Variants in MTM1 observed in about 807,000 individuals in gnomAD.
MTM1 encodes myotubularin 1, also known as myotubularin.
Under a neutral mutation model 52.1 loss-of-function variants are expected in MTM1, and 9 were observed. The ratio of observed to expected loss-of-function variants is 0.17; its 90% CI spans 0.10 to 0.30. The LOEUF is 0.30. Among genes scored for constraint, MTM1 ranks in the 10% least tolerant of loss-of-function variants. MTM1 has a pLI of 1.00. For missense variants in MTM1, 277 were observed against 470.7 expected, an observed-to-expected ratio of 0.59 and a Z score of 3.81; for synonymous variants, 136 against 163.8, an observed-to-expected ratio of 0.83 and a Z score of 1.29.
intron 6 of MTM1, among the ~76,000 whole-genome samples, chrX:150,635,408 A>G (rs782685622): frequency 1.8e-5 from 2 of 112,462 alleles, no homozygotes; most frequent in South Asian, 7.4e-4. Context: ...TTTAAGAATA[A>G]TAGTTGAAAG....
intron 5 of MTM1, among the ~76,000 whole-genome samples, chrX:150,614,917 G>A (rs2148456470): frequency 9.0e-6 from 1 of 111,426 alleles, no homozygotes; most frequent in Non-Finnish European, 1.9e-5. Flanking sequence ...AGGACTCGAG[G>A]AACTGGTCAG....
chrX:150,614,840 A>G, intron 5 of MTM1, 141 bp downstream of exon 5: 1 of 447,038 alleles, frequency 2.2e-6, no homozygotes, highest in Non-Finnish European at 3.9e-6. Flanking sequence ...TCCCTTAAGA[A>G]CAAGCTTTTC....
intron 1 of MTM1, among the ~76,000 whole-genome samples, chrX:150,590,834 C>A (rs1284999905): frequency 1.8e-5 from 2 of 111,793 alleles, no homozygotes; most frequent in Non-Finnish European, 1.9e-5. Flanking sequence ...TGTTGACTTA[C>A]ATTAGTGAAG....
At chrX:150,622,083 C>G (rs782272241) in intron 6 of MTM1, among the ~76,000 whole-genome samples, 2 of 110,027 alleles carry the variant, frequency 1.8e-5, no homozygotes, top group Non-Finnish European at 3.8e-5. Context: ...TTATTGGAGT[C>G]ATCCACAGAG....
Position 150,583,804 on chromosome X carries a change from T to A in MTM1, c.-10-8801T>A, listed in dbSNP as rs868969767. ...TATAAAATATATATAAAATATATAT[T>A]AAATATATATATTAAATATACAAAA... is the stretch of plus-strand genomic sequence containing the variant. On this transcript the variant is annotated intron_variant, in intron 1 of 14. Coordinates refer to ENST00000370396, the MANE Select transcript of MTM1 (RefSeq NM_000252.3). Among the ~76,000 whole-genome samples, 10 of 50,587 alleles carry A rather than the reference T, an allele frequency of 2.0e-4. 2 individuals carry two copies. The highest frequency in any genetic ancestry group is 4.3e-4 in the Admixed American group (1 of 2,309). 43.9% of individuals were successfully genotyped at this position (50,587 alleles called of 115,157 possible). A position where few individuals can be genotyped will look rare whatever the true frequency, so the allele number is the denominator to read the frequency against.
rs1393650028 is a variant in MTM1, at chrX:150,649,524, C to G, written c.868-192C>G. ...CCCCAGGAAATTGCCAGCCTTCTGT[C>G]TTTTTTTCAACTCAAAGTATGACTA... On this transcript the variant is annotated intron_variant, in intron 9 of 14. Coordinates refer to ENST00000370396, the MANE Select transcript of MTM1 (RefSeq NM_000252.3). 2.7e-5 allele frequency among the ~76,000 whole-genome samples: 3 copies of G among 112,092 alleles called. No individual in the cohort carries two copies. In the East Asian group the frequency reaches 8.4e-4, roughly 31 times the overall value.
rs1557411970 is a variant in MTM1, at chrX:150,583,300, AT to A, written c.-10-9304del. Among the ~76,000 whole-genome samples the A allele has an allele frequency of 7.6e-4, 43 of 56,262 alleles. 2 individuals carry two copies. The highest frequency in any genetic ancestry group is 2.1e-3 in the Admixed American group (6 of 2,863). 48.9% of individuals were successfully genotyped at this position (56,262 alleles called of 115,157 possible). A position where few individuals can be genotyped will look rare whatever the true frequency, so the allele number is the denominator to read the frequency against. ...AATTATAAATATATATAAATTATAT[AT>A]ATTATATATAATTATAAATATATAT... On this transcript the variant is annotated intron_variant, in intron 1 of 14. Transcript: ENST00000370396.
intron 6 of MTM1, among the ~76,000 whole-genome samples, chrX:150,622,525 C>G (rs1482852655): frequency 1.8e-5 from 2 of 111,735 alleles, no homozygotes; most frequent in Admixed American, 1.9e-4. Context: ...GACAGTCAAA[C>G]AGTAGTGATG....
At chrX:150,659,235 A>G (rs782219484) in intron 11 of MTM1, among the ~76,000 whole-genome samples, 3 of 112,329 alleles carry the variant, frequency 2.7e-5, no homozygotes, top group Admixed American at 9.4e-5. Flanking sequence ...AAGAACATTT[A>G]ATTCTAATCA....
At chrX:150,583,473 T>A (rs868926237) in intron 1 of MTM1, among the ~76,000 whole-genome samples, 3 of 29,980 alleles carry the variant, frequency 1.0e-4, no homozygotes, top group African/African-American at 2.4e-4. Context: ...TAAATATATA[T>A]AAATTATATA....
intron 6 of MTM1, among the ~76,000 whole-genome samples, chrX:150,621,264 T>A (rs1317093996): frequency 9.0e-6 from 1 of 110,654 alleles, no homozygotes; most frequent in African/African-American, 3.3e-5. Context: ...TGAAGTCAGC[T>A]TTTCAGTTCC....
At chrX:150,664,316 T>C (rs1479109620) in intron 14 of MTM1, among the ~76,000 whole-genome samples, 6 of 112,893 alleles carry the variant, frequency 5.3e-5, no homozygotes, top group African/African-American at 1.9e-4. Context: ...TCCTGCAGTG[T>C]GGGTGGTCGA....
intron 1 of MTM1, among the ~76,000 whole-genome samples, chrX:150,589,029 A>G (rs782030075): frequency 2.7e-5 from 3 of 112,151 alleles, no homozygotes; most frequent in Admixed American, 9.5e-5. Flanking sequence ...GGTGCTGTAA[A>G]TAAATAAAAC....
chrX:150,579,312 C>T (rs1417123346), intron 1 of MTM1, among the ~76,000 whole-genome samples: 3 of 111,046 alleles, frequency 2.7e-5, no homozygotes, highest in African/African-American at 9.9e-5. Flanking sequence ...CCTCGTCCTC[C>T]CAAAGTGCTG....
At chrX:150,637,159 A>T (rs906516001) in intron 6 of MTM1, among the ~76,000 whole-genome samples, 1 of 112,174 alleles carries the variant, frequency 8.9e-6, no homozygotes, top group African/African-American at 3.2e-5. Context: ...TTGAGAAGAC[A>T]TTGTGGAGAG....
At chrX:150,604,155 C>T (rs1557412787) in intron 4 of MTM1, among the ~76,000 whole-genome samples, 1 of 111,877 alleles carries the variant, frequency 8.9e-6, no homozygotes, top group East Asian at 2.8e-4. Flanking sequence ...TCCTCTTCCA[C>T]CTTGGTCTTT....
chrX:150,564,380 T>A (rs73618838), upstream of MTM1, among the ~76,000 whole-genome samples: 1,280 of 110,886 alleles, frequency 0.012, 7 homozygotes, highest in Middle Eastern at 0.028. Context: ...TTTACTATTT[T>A]TTATTATTAT....
At chrX:150,600,327 A>G (rs1325794468) in intron 4 of MTM1, among the ~76,000 whole-genome samples, 1 of 112,171 alleles carries the variant, frequency 8.9e-6, no homozygotes, top group Non-Finnish European at 1.9e-5. Context: ...ATAGATAACA[A>G]TTACTCAGTT....
intron 1 of MTM1, among the ~76,000 whole-genome samples, chrX:150,589,788 C>T (rs2038851331): frequency 9.6e-6 from 1 of 104,379 alleles, no homozygotes; most frequent in African/African-American, 3.5e-5. Flanking sequence ...CACTTTATAA[C>T]TGAGTGGCTG....
Sources: allele counts gnomAD v4.1 joint callset (sites outside exome capture counted in the v4.1 genomes callset), GRCh38; gene constraint gnomAD v4.1.1; transcripts MANE v1.5; gene names NCBI Gene and HGNC (gene_info 2026-07-23, HGNC 2026-07-21).